The following ARRB2 variants were observed in gnomAD, a reference collection of about 807,000 sequenced individuals.
The protein encoded by ARRB2 is beta-arrestin-2.
ARRB2 carries 21 observed loss-of-function variants against 53.4 expected under a neutral mutation model. The observed-to-expected ratio is 0.39, with a 90% confidence interval of 0.28 to 0.57. The LOEUF (loss-of-function observed/expected upper bound fraction) is 0.57, where lower values mean the gene tolerates loss of function less well. Ranked by LOEUF, ARRB2 falls within the 20% of genes least tolerant of loss-of-function variation. The pLI, the probability that ARRB2 is intolerant of heterozygous loss-of-function variation, is 0.55. For missense variants in ARRB2, 369 were observed against 527.5 expected (o/e 0.70, Z 2.94); for synonymous variants, 180 against 212.9 (o/e 0.85, Z 1.34).
In ARRB2 at chr17:4,721,020, A is replaced by G. The variant is rs1915645091; in HGVS notation, c.1211A>G (p.Tyr404Cys). Residue 404 changes from tyrosine to cysteine, a missense_variant, in exon 15 of 15, where the codon TAT becomes TGT. Tyr to Cys is a radical substitution (Grantham distance 194). Transcript: ENST00000269260. The surrounding 1 kb of genome is among the most constrained non-coding windows in gnomAD (Gnocchi z 4.2). The stretch of plus-strand genomic sequence containing the variant: ...CTGAAGGGGATGAAGGATGACGACT[A>G]TGATGATCAACTCTGCTAGGAAGCG... ...LRLKGMKDDD[Y>C]DDQLC The G allele has an allele frequency of 6.2e-7, 1 of 1,612,474 alleles. No individual in the cohort carries two copies. Among genetic ancestry groups the G allele is most frequent in the Non-Finnish European group, 8.5e-7 (1 of 1,178,742 alleles).
At chr17:4,714,124 C>G (rs550254936) in intron 1 of ARRB2, among the ~76,000 whole-genome samples, 51 of 152,308 alleles carry the variant, frequency 3.3e-4, no homozygotes, top group South Asian at 4.1e-4. Context: ...GGCTCACAGT[C>G]TGAGGAGGGA....
At position 4,721,200 on chromosome 17, in the gene ARRB2, G is replaced by C. The variant is rs1915662806; in HGVS notation, c.*161G>C. On this transcript the variant is annotated 3_prime_UTR_variant, in exon 15 of 15. Coordinates refer to ENST00000269260, the MANE Select transcript of ARRB2 (RefSeq NM_004313.4). This position sits in a 1 kb window ranked among gnomAD's most constrained non-coding sequence, Gnocchi z 4.2. ...CACACTCTCTCCCCCATCCCCCCAA[G>C]ATACACACTGGACCCTCTCTTGCTG... 1.5e-6 allele frequency: 1 copy of C among 677,622 alleles called. No individual in the cohort carries two copies. The highest frequency in any genetic ancestry group is 2.5e-6 in the Non-Finnish European group (1 of 404,968). The allele number at this position is 677,622 out of a possible 1,614,324, so 42.0% of individuals were successfully genotyped here.
intron 1 of ARRB2, among the ~76,000 whole-genome samples, chr17:4,711,802 C>T (rs766137954): frequency 6.6e-6 from 1 of 152,096 alleles, no homozygotes; most frequent in East Asian, 1.9e-4. Flanking sequence ...ACGGATGGAC[C>T]AAAGGAGACT....
At chr17:4,718,976 G>T (rs557261374) in intron 10 of ARRB2, among the ~76,000 whole-genome samples, 4 of 151,970 alleles carry the variant, frequency 2.6e-5, no homozygotes, top group Non-Finnish European at 5.9e-5. Context: ...GTTTCACCAT[G>T]TTGGCCAAGC....
At chr17:4,716,989 C>T (rs1915137219) in intron 5 of ARRB2, 2 of 595,390 alleles carry the variant, frequency 3.4e-6, no homozygotes, top group Non-Finnish European at 6.0e-6. Context: ...CACGCACCAC[C>T]ACACACGACT....
chr17:4,717,022 T>C lies in ARRB2; in HGVS notation c.358-195T>C, dbSNP rs936264359. 25 of 632,854 alleles carry C rather than the reference T, an allele frequency of 4.0e-5. No homozygotes were observed. Among genetic ancestry groups the C allele is most frequent in the East Asian group, 3.4e-4 (12 of 35,578 alleles). The allele number at this position is 632,854 out of a possible 1,614,324, so 39.2% of individuals were successfully genotyped here. A position where few individuals can be genotyped will look rare whatever the true frequency, so the allele number is the denominator to read the frequency against. ...ACTAATTTTGTATTTTTAGTAGTGA[T>C]GGGGTTTTGCCACGTTGGTCAGGCT... On this transcript the variant is annotated intron_variant, in intron 5 of 14. Transcript: ENST00000269260. The surrounding 1 kb of genome is among the most constrained non-coding windows in gnomAD (Gnocchi z 6.0).
chr17:4,721,140 T>C lies in ARRB2; in HGVS notation c.*101T>C. ...GGGATTGTCCCAGCCCCTCTTCCCT[T>C]CCCCTCACCTGGAAGCTTCTTCAAC... is the stretch of plus-strand genomic sequence containing the variant. On this transcript the variant is annotated 3_prime_UTR_variant, in exon 15 of 15. Coordinates refer to ENST00000269260, the MANE Select transcript of ARRB2 (RefSeq NM_004313.4). This position sits in a 1 kb window ranked among gnomAD's most constrained non-coding sequence, Gnocchi z 4.2. 1 of 1,233,152 alleles carries C rather than the reference T, an allele frequency of 8.1e-7. No individual in the cohort carries two copies. The highest frequency in any genetic ancestry group is 1.2e-6 in the Non-Finnish European group (1 of 861,660). The allele number at this position is 1,233,152 out of a possible 1,614,324, so 76.4% of individuals were successfully genotyped here.
rs1005907864 is a variant in ARRB2 at position 4,717,194 on chromosome 17, G to A, written c.358-23G>A. The A allele has an allele frequency of 6.2e-7, 1 of 1,612,346 alleles. No individual in the cohort carries two copies. The highest frequency in any genetic ancestry group is 8.5e-7 in the Non-Finnish European group (1 of 1,178,408). On this transcript the variant is annotated intron_variant, in intron 5 of 14. Coordinates refer to ENST00000269260, the MANE Select transcript of ARRB2 (RefSeq NM_004313.4). The surrounding 1 kb of genome is among the most constrained non-coding windows in gnomAD (Gnocchi z 6.0). The stretch of plus-strand genomic sequence containing the variant: ...CTGGGGGCTTTCTGGAAGAACTGAA[G>A]TCTTCTCCTTCCTCCGCCACAGATA...
chr17:4,718,538 A>G, intron 9 of ARRB2, 74 bp from the exon 10 acceptor site: 1 of 1,501,656 alleles, frequency 6.7e-7, no homozygotes, highest in South Asian at 1.2e-5. Context: ...GGGCCACGCC[A>G]CGGGGTCTGG....
In ARRB2 at chr17:4,715,157, A is replaced by G. The variant is rs1914813418; in HGVS notation, c.54+114A>G. 5.8e-6 allele frequency: 7 copies of G among 1,199,022 alleles called. No individual in the cohort carries two copies. The Admixed American group carries it at 1.3e-4, about 23-fold the overall frequency. 74.3% of individuals were successfully genotyped at this position (1,199,022 alleles called of 1,614,324 possible). A position where few individuals can be genotyped will look rare whatever the true frequency, so the allele number is the denominator to read the frequency against. ...GATGATCCCCAACCCCTAGCTCCCC[A>G]CTTCCTGTGACAGCTAAGCGCCGAC... is the stretch of plus-strand genomic sequence containing the variant. On this transcript the variant is annotated intron_variant, in intron 2 of 14. Coordinates refer to ENST00000269260, the MANE Select transcript of ARRB2 (RefSeq NM_004313.4).
intron 2 of ARRB2, 152 bp from the exon 3 acceptor site, chr17:4,715,821 C>G: frequency 1.2e-6 from 1 of 831,838 alleles, no homozygotes; most frequent in Non-Finnish European, 1.9e-6. Flanking sequence ...CGCCACCACC[C>G]TCACTTTCCA....
Position 4,718,352 on chromosome 17 carries a change from G to A in ARRB2, c.706+7G>A, listed in dbSNP as rs1336325618. Reference sequence around the variant, plus strand: ...AAGAAGATCAAAGTCTCTGGTAGGAGGTGGGGTTTGGAAGGGGGTCTTCGG... The same window carrying A: ...AAGAAGATCAAAGTCTCTGGTAGGAAGTGGGGTTTGGAAGGGGGTCTTCGG... On this transcript the variant is annotated splice_region_variant and intron_variant, in intron 9 of 14. Coordinates refer to ENST00000269260, the MANE Select transcript of ARRB2 (RefSeq NM_004313.4). The A allele has an allele frequency of 1.2e-6, 2 of 1,607,488 alleles. No individual in the cohort carries two copies. Among genetic ancestry groups the A allele is most frequent in the Non-Finnish European group, 1.7e-6 (2 of 1,176,462 alleles).
rs1232136523 is a variant in ARRB2, at chr17:4,721,057, A to C, written c.*18A>C. The stretch of plus-strand genomic sequence containing the variant: ...TCTGCTAGGAAGCGGGGTGGGAAGA[A>C]GGGAGGGGATGGGGTTGGGAGAGGT... On this transcript the variant is annotated 3_prime_UTR_variant, in exon 15 of 15. Transcript: ENST00000269260. The surrounding 1 kb of genome is among the most constrained non-coding windows in gnomAD (Gnocchi z 4.2). 1.4e-6 allele frequency: 2 copies of C among 1,384,592 alleles called. No individual in the cohort carries two copies. The highest frequency in any genetic ancestry group is 2.3e-5 in the East Asian group (1 of 43,230). 85.8% of individuals were successfully genotyped at this position (1,384,592 alleles called of 1,614,324 possible). A position where few individuals can be genotyped will look rare whatever the true frequency, so the allele number is the denominator to read the frequency against.
intron 2 of ARRB2, chr17:4,715,403 G>A (rs1914846817): frequency 3.0e-6 from 1 of 330,072 alleles, no homozygotes; most frequent in Admixed American, 4.5e-5. Flanking sequence ...GCCCCTTGAG[G>A]GGACCTAGTG....
At chr17:4,713,758 C>T (rs1178511541) in intron 1 of ARRB2, among the ~76,000 whole-genome samples, 1 of 150,194 alleles carries the variant, frequency 6.7e-6, no homozygotes, top group African/African-American at 2.5e-5. Context: ...CCACTCTACT[C>T]CAGCCTTGGT....
At position 4,717,847 on chromosome 17, in the gene ARRB2, T is replaced by A. The variant is rs1424428114; in HGVS notation, c.486-41T>A. ...GTGCGGGGGAGGAGTAGGGTTGGGG[T>A]GTGTGAGGAATGACCCCTCCTGCCC... On this transcript the variant is annotated intron_variant, in intron 7 of 14. Transcript: ENST00000269260. This position sits in a 1 kb window ranked among gnomAD's most constrained non-coding sequence, Gnocchi z 6.0. 1.2e-6 allele frequency: 2 copies of A among 1,612,684 alleles called. No individual in the cohort carries two copies. Among genetic ancestry groups the A allele is most frequent in the Non-Finnish European group, 1.7e-6 (2 of 1,179,480 alleles).
chr17:4,713,454 A>G (rs1335923836), intron 1 of ARRB2, among the ~76,000 whole-genome samples: 1 of 151,784 alleles, frequency 6.6e-6, no homozygotes, highest in Non-Finnish European at 1.5e-5. Context: ...AACACAGTGA[A>G]ACCCCATCTC....
rs1915217998 is a variant in ARRB2, at chr17:4,717,709, C to T, written c.442C>T (p.Arg148Ter). The change falls in exon 7 of 15, where the codon CGA (arginine) becomes TGA (stop). Residue 148 changes from arginine to a stop codon, truncating the protein, a stop_gained. Transcript: ENST00000269260. LOFTEE classifies it high-confidence loss of function. This position sits in a 1 kb window ranked among gnomAD's most constrained non-coding sequence, Gnocchi z 6.0. The part of the protein sequence containing the change: ...GKACGVDFEI[R>*]AFCAKSLEEK... ...GGCCTGCGGCGTAGACTTTGAGATT[C>T]GAGCCTTCTGTGCTAAATCACTAGA... The T allele has an allele frequency of 6.2e-7, 1 of 1,614,012 alleles. No homozygotes were observed. Among genetic ancestry groups the T allele is most frequent in the Non-Finnish European group, 8.5e-7 (1 of 1,180,036 alleles).
intron 1 of ARRB2, among the ~76,000 whole-genome samples, chr17:4,712,421 C>T (rs1042064011): frequency 2.0e-5 from 3 of 152,216 alleles, no homozygotes; most frequent in Non-Finnish European, 4.4e-5. Context: ...GGTCATTGCT[C>T]TCCTATATGC....
Sources: gnomAD v4.1 joint callset for allele counts (sites outside exome capture counted in the v4.1 genomes callset) on GRCh38, gnomAD v4.1.1 for gene constraint, Gnocchi (gnomAD v3.1) non-coding constraint, MANE v1.5 for transcripts, NCBI Gene and HGNC (gene_info 2026-07-23, HGNC 2026-07-21) for gene names.